NRXN3: variants seen among roughly 807,000 people sequenced by gnomAD.
NRXN3 encodes the protein neurexin III.
A neutral mutation model predicts 137.6 loss-of-function variants in NRXN3; 32 were observed. The observed-to-expected ratio is 0.23, with a 90% CI of 0.18 to 0.31. The LOEUF is 0.31. Ranked by LOEUF, NRXN3 falls within the 10% of genes least tolerant of loss-of-function variation. NRXN3 has a pLI of 1.00. For missense variants in NRXN3, 1,574 were observed against 2,062.5 expected (o/e 0.76, Z 4.59); for synonymous variants, 798 against 784.5 (o/e 1.02, Z -0.29).
At chr14:79,756,826 A>G (rs2099021252) in intron 19 of NRXN3, among the ~76,000 whole-genome samples, 1 of 152,200 alleles carries the variant, frequency 6.6e-6, no homozygotes, top group Non-Finnish European at 1.5e-5. Flanking sequence ...AACTAAATAT[A>G]AAAACTGGCT....
intron 10 of NRXN3, among the ~76,000 whole-genome samples, chr14:78,934,464 A>T (rs141129444): frequency 2.0e-5 from 3 of 152,124 alleles, no homozygotes; most frequent in Admixed American, 2.0e-4. Context: ...GATCTCCTCT[A>T]TGGGCCCAGC....
chr14:79,436,801 C>T (rs1567123707), intron 15 of NRXN3, among the ~76,000 whole-genome samples: 3 of 152,102 alleles, frequency 2.0e-5, no homozygotes, highest in Admixed American at 6.6e-5. Context: ...GGATTAAGTC[C>T]TCTCTGTTCC....
intron 14 of NRXN3, among the ~76,000 whole-genome samples, chr14:78,972,532 C>G (rs1437624279): frequency 6.6e-6 from 1 of 152,156 alleles, no homozygotes; most frequent in Non-Finnish European, 1.5e-5. Context: ...ACACACGTGT[C>G]TTTCAGTCTG....
At chr14:79,482,799 T>C (rs2096621537) in intron 16 of NRXN3, among the ~76,000 whole-genome samples, 1 of 152,204 alleles carries the variant, frequency 6.6e-6, no homozygotes, top group Admixed American at 6.5e-5. Context: ...GACTTTGCAA[T>C]CCTGCCTAGA....
At chr14:78,232,038 A>G (rs930802001) in intron 1 of NRXN3, among the ~76,000 whole-genome samples, 3 of 152,148 alleles carry the variant, frequency 2.0e-5, no homozygotes, top group African/African-American at 4.8e-5. Context: ...TCCTGGAAAT[A>G]CCTTTTGTGG....
rs2099574541 is a variant in NRXN3 at position 79,013,534 on chromosome 14, T to C, written c.3262+25393T>C. On this transcript the variant is annotated intron_variant, in intron 15 of 20. Coordinates refer to ENST00000335750, the MANE Select transcript of NRXN3 (RefSeq NM_001330195.2). ...CCCAGAGAAGCTTTTGTCTTTGCAA[T>C]CCTGAATGCATTTCTCTTCATATTA... is the stretch of plus-strand genomic sequence containing the variant. 2.0e-5 allele frequency among the ~76,000 whole-genome samples: 3 copies of C among 152,192 alleles called. No homozygotes were observed. In the East Asian group the frequency reaches 5.8e-4, roughly 29 times the overall value.
intron 15 of NRXN3, among the ~76,000 whole-genome samples, chr14:79,307,892 G>A (rs2086383580): frequency 6.6e-6 from 1 of 151,832 alleles, no homozygotes; most frequent in South Asian, 2.1e-4. Flanking sequence ...AAGTACCAGT[G>A]GCTTAAACAA....
intron 19 of NRXN3, among the ~76,000 whole-genome samples, chr14:79,771,995 G>C (rs1359076668): frequency 9.7e-5 from 13 of 134,372 alleles, no homozygotes; most frequent in Non-Finnish European, 9.6e-5. Flanking sequence ...GACAAACAGA[G>C]AGCCAAATCA....
chr14:78,474,915 G>A (rs1313244664), intron 4 of NRXN3, among the ~76,000 whole-genome samples: 1 of 152,202 alleles, frequency 6.6e-6, no homozygotes, highest in Non-Finnish European at 1.5e-5. Context: ...CCTGGAGAGT[G>A]TTTAAAAGTA....
intron 20 of NRXN3, among the ~76,000 whole-genome samples, chr14:79,810,220 A>G (rs1056939854): frequency 6.6e-6 from 1 of 152,220 alleles, no homozygotes; most frequent in Non-Finnish European, 1.5e-5. Flanking sequence ...TAATACTTTT[A>G]TACCTAATAA....
At chr14:78,707,165 G>C (rs1290085917) in intron 6 of NRXN3, among the ~76,000 whole-genome samples, 1 of 152,156 alleles carries the variant, frequency 6.6e-6, no homozygotes, top group Non-Finnish European at 1.5e-5. Flanking sequence ...AAAATAAATA[G>C]TTTGTTTATT....
At chr14:78,888,166 T>C (rs758533380) in intron 10 of NRXN3, among the ~76,000 whole-genome samples, 7 of 152,082 alleles carry the variant, frequency 4.6e-5, no homozygotes, top group Non-Finnish European at 8.8e-5. Flanking sequence ...TTCAGCTTCA[T>C]ATTGGAGGCC....
chr14:78,226,428 G>A (rs1388860107), intron 1 of NRXN3, among the ~76,000 whole-genome samples: 1 of 152,174 alleles, frequency 6.6e-6, no homozygotes, highest in Non-Finnish European at 1.5e-5. Context: ...TATATTAAAA[G>A]ATTTATCTAA....
chr14:78,466,122 G>T (rs1338176579), intron 4 of NRXN3, among the ~76,000 whole-genome samples: 3 of 152,050 alleles, frequency 2.0e-5, no homozygotes, highest in Admixed American at 6.6e-5. Context: ...CAAAGTGCTG[G>T]GAAGGTTTCT....
chr14:78,677,879 C>T (rs1232056302), intron 6 of NRXN3, among the ~76,000 whole-genome samples: 1 of 152,150 alleles, frequency 6.6e-6, no homozygotes. Context: ...AAAAAGATTA[C>T]ATCTCACTGA....
chr14:79,723,062 A>T (rs2098851497), intron 19 of NRXN3, among the ~76,000 whole-genome samples: 1 of 152,108 alleles, frequency 6.6e-6, no homozygotes, highest in Non-Finnish European at 1.5e-5. Context: ...TCATATTGGG[A>T]AAATAATGCA....
intron 13 of NRXN3, among the ~76,000 whole-genome samples, chr14:78,967,674 T>C (rs942632469): frequency 2.0e-5 from 3 of 152,182 alleles, no homozygotes; most frequent in African/African-American, 7.2e-5. Flanking sequence ...GGAAGGGCCG[T>C]AATACAGAGG....
At chr14:79,099,681 G>A (rs2050930200) in intron 15 of NRXN3, among the ~76,000 whole-genome samples, 1 of 152,088 alleles carries the variant, frequency 6.6e-6, no homozygotes, top group Non-Finnish European at 1.5e-5. Flanking sequence ...ATGAGACATT[G>A]ACTGTAATAA....
chr14:79,811,031 A>G (rs1309849265), intron 20 of NRXN3, among the ~76,000 whole-genome samples: 1 of 152,210 alleles, frequency 6.6e-6, no homozygotes. Context: ...TTATTTAACT[A>G]TTTATTCACT....
Sources: allele counts gnomAD v4.1 joint callset (sites outside exome capture counted in the v4.1 genomes callset), GRCh38; gene constraint gnomAD v4.1.1; transcripts MANE v1.5; gene names NCBI Gene and HGNC (gene_info 2026-07-23, HGNC 2026-07-21).